SKAP1: variants seen among roughly 807,000 people sequenced by gnomAD.
SKAP1 encodes src kinase associated phosphoprotein 1, also known as src kinase-associated phosphoprotein 1.
SKAP1 carries 44 observed loss-of-function variants against 58.5 expected under a neutral mutation model. That is an observed-to-expected ratio of 0.75 (90% CI 0.59 to 0.97). The LOEUF (loss-of-function observed/expected upper bound fraction) is 0.97. Ranked by LOEUF, SKAP1 falls within the 50% of genes least tolerant of loss-of-function variation. The pLI, the probability that SKAP1 is intolerant of heterozygous loss-of-function variation, is 0.00. For synonymous variants in SKAP1, 127 were observed against 149.7 expected (o/e 0.85, Z 1.11); for missense variants, 390 against 435.2 (o/e 0.90, Z 0.92).
intron 4 of SKAP1, among the ~76,000 whole-genome samples, chr17:48,213,912 G>A (rs2064906818): frequency 6.6e-6 from 1 of 152,116 alleles, no homozygotes; most frequent in Non-Finnish European, 1.5e-5. Context: ...AGCACTCAAG[G>A]GTGGCCAGAC....
chr17:48,376,896 T>A (rs2067156718), intron 2 of SKAP1, among the ~76,000 whole-genome samples: 1 of 152,000 alleles, frequency 6.6e-6, no homozygotes, highest in South Asian at 2.1e-4. Flanking sequence ...TAAGAGTTGC[T>A]AAGGGAGGAT....
chr17:48,330,560 G>C (rs903968791), intron 4 of SKAP1, among the ~76,000 whole-genome samples: 1 of 152,210 alleles, frequency 6.6e-6, no homozygotes, highest in Non-Finnish European at 1.5e-5. Context: ...ACATTGGAAG[G>C]CTGGGGGAAG....
intron 2 of SKAP1, among the ~76,000 whole-genome samples, chr17:48,371,859 GA>G (rs981222150): frequency 6.7e-6 from 1 of 148,936 alleles, no homozygotes; most frequent in Non-Finnish European, 1.5e-5. Context: ...AAAAGAAAAA[GA>G]AAAAAAGAAA....
At chr17:48,300,078 C>G (rs1218291791) in intron 4 of SKAP1, among the ~76,000 whole-genome samples, 1 of 152,088 alleles carries the variant, frequency 6.6e-6, no homozygotes, top group African/African-American at 2.4e-5. Flanking sequence ...TATGAGTGTT[C>G]CTAGCTTATT....
chr17:48,296,650 T>C (rs1036972091), intron 4 of SKAP1, among the ~76,000 whole-genome samples: 1 of 152,174 alleles, frequency 6.6e-6, no homozygotes. Context: ...CAAATCCTGC[T>C]GTGAGGAAAG....
At chr17:48,239,633 A>G (rs908872586) in intron 4 of SKAP1, among the ~76,000 whole-genome samples, 10 of 152,224 alleles carry the variant, frequency 6.6e-5, no homozygotes, top group African/African-American at 2.4e-4. Flanking sequence ...TTATTCTTCC[A>G]TTGAAAGAAA....
intron 11 of SKAP1, among the ~76,000 whole-genome samples, chr17:48,153,529 C>T (rs16969990): frequency 0.11 from 17,233 of 152,148 alleles, 1,399 homozygotes; most frequent in African/African-American, 0.22. Context: ...TCATCATCTT[C>T]GTCATCACAG....
chr17:48,413,495 T>C (rs1275722012), intron 1 of SKAP1, among the ~76,000 whole-genome samples: 2 of 123,238 alleles, frequency 1.6e-5, no homozygotes, highest in African/African-American at 7.3e-5. Context: ...GCCTAGGCAA[T>C]AAGAGCAAAA....
the SKAP1 span, among the ~76,000 whole-genome samples, chr17:48,440,012 C>T: frequency 6.6e-6 from 1 of 152,182 alleles, no homozygotes; most frequent in Non-Finnish European, 1.5e-5. Context: ...CCTCTTATCT[C>T]TGGGACGAAG....
At chr17:48,262,255 C>CA (rs1333851813) in intron 4 of SKAP1, among the ~76,000 whole-genome samples, 1 of 152,124 alleles carries the variant, frequency 6.6e-6, no homozygotes, top group Non-Finnish European at 1.5e-5. Context: ...AGTTCGGCCT[C>CA]AAACCAGTAC....
intron 4 of SKAP1, among the ~76,000 whole-genome samples, chr17:48,270,212 T>G (rs1027463723): frequency 2.6e-5 from 4 of 152,210 alleles, no homozygotes; most frequent in African/African-American, 7.2e-5. Context: ...ATAAAAGTCA[T>G]CAAAAATATC....
chr17:48,204,972 C>CTTTTCTTTTCTTTCTTTCTTTCT (rs1424862689), intron 4 of SKAP1, among the ~76,000 whole-genome samples: 4 of 34,568 alleles, frequency 1.2e-4, no homozygotes, highest in Non-Finnish European at 2.2e-4. Flanking sequence ...CTTTTCTTTT[C>CTTTTCTTTTCTTTCTTTCTTTCT]TTTTCTTTCT....
At chr17:48,440,911 G>T in the SKAP1 span, among the ~76,000 whole-genome samples, 1 of 152,150 alleles carries the variant, frequency 6.6e-6, no homozygotes, top group East Asian at 1.9e-4. Flanking sequence ...GAGGCTCAGA[G>T]GGAAATGTAG....
chr17:48,305,950 T>G (rs2144151887), intron 4 of SKAP1, among the ~76,000 whole-genome samples: 1 of 152,300 alleles, frequency 6.6e-6, no homozygotes. Context: ...AATGAAAACT[T>G]TAGTTTCACC....
At position 48,136,264 on chromosome 17, in the gene SKAP1, C is replaced by T. The variant is rs1426402571; in HGVS notation, c.*7+965G>A. Among the ~76,000 whole-genome samples, 6 of 151,918 alleles carry T rather than the reference C, an allele frequency of 3.9e-5. No individual in the cohort carries two copies. In the East Asian group the frequency reaches 5.8e-4, roughly 15 times the overall value. The stretch of plus-strand genomic sequence containing the variant: ...TTGGCTCACTGCAACCTATGCCTCC[C>T]GGGTTCAAGCGATTCTCCTGCCTCA... On this transcript the variant is annotated intron_variant, in intron 12 of 12. Transcript: ENST00000336915.
At chr17:48,290,314 A>C (rs1468031241) in intron 4 of SKAP1, among the ~76,000 whole-genome samples, 2 of 152,202 alleles carry the variant, frequency 1.3e-5, no homozygotes, top group African/African-American at 4.8e-5. Context: ...AAAACCATTA[A>C]AAAATTATGT....
intron 9 of SKAP1, among the ~76,000 whole-genome samples, chr17:48,175,403 C>T (rs1326039107): frequency 1.3e-5 from 2 of 152,178 alleles, no homozygotes; most frequent in Non-Finnish European, 2.9e-5. Flanking sequence ...ATAAACTGCT[C>T]CCCCGCATGC....
chr17:48,157,246 T>G (rs1011259937), intron 11 of SKAP1, among the ~76,000 whole-genome samples: 1 of 151,986 alleles, frequency 6.6e-6, no homozygotes, highest in African/African-American at 2.4e-5. Flanking sequence ...ATCTTTTTTT[T>G]TTTTTTTGAG....
chr17:48,350,511 A>G (rs552015080), intron 3 of SKAP1, among the ~76,000 whole-genome samples: 11 of 152,268 alleles, frequency 7.2e-5, no homozygotes, highest in African/African-American at 2.6e-4. Flanking sequence ...CCTGACCAAC[A>G]TGGAAAACCC....
Sources: gnomAD v4.1 joint callset for allele counts (sites outside exome capture counted in the v4.1 genomes callset) on GRCh38, gnomAD v4.1.1 for gene constraint, MANE v1.5 for transcripts, NCBI Gene and HGNC (gene_info 2026-07-23, HGNC 2026-07-21) for gene names.